Variants in GAS2 observed in about 807,000 individuals in gnomAD.
GAS2 encodes growth arrest specific 2.
A neutral mutation model predicts 37.5 loss-of-function variants in GAS2; 20 were observed. The observed-to-expected ratio is 0.53, with a 90% CI of 0.37 to 0.77. GAS2 has a LOEUF of 0.77. Among genes scored for constraint, GAS2 ranks in the 30% least tolerant of loss-of-function variants. The probability of loss-of-function intolerance (pLI) is 0.00; values close to 1 mark genes in which losing one functional copy is unlikely to be tolerated. For missense variants in GAS2, 336 were observed against 373.4 expected (o/e 0.90, Z 0.82); for synonymous variants, 144 against 132.2 (o/e 1.09, Z -0.61).
chr11:22,693,988 A>T (rs1850375059), intron 3 of GAS2, among the ~76,000 whole-genome samples: 1 of 152,150 alleles, frequency 6.6e-6, no homozygotes, highest in South Asian at 2.1e-4. Flanking sequence ...CATACAGGGG[A>T]ACAACACACA....
At chr11:22,778,004 A>G (rs567412834) in intron 7 of GAS2, among the ~76,000 whole-genome samples, 1 of 152,300 alleles carries the variant, frequency 6.6e-6, no homozygotes, top group East Asian at 1.9e-4. Flanking sequence ...TGTTAGTGGT[A>G]TTTTGGGGGT....
intron 4 of GAS2, among the ~76,000 whole-genome samples, chr11:22,733,082 T>A (rs1481411054): frequency 6.6e-6 from 1 of 151,532 alleles, no homozygotes; most frequent in Non-Finnish European, 1.5e-5. Flanking sequence ...GGTCTCTGGG[T>A]CACATTTTGG....
At chr11:22,649,884 AT>A (rs1255737987) in intron 1 of GAS2, among the ~76,000 whole-genome samples, 2 of 151,738 alleles carry the variant, frequency 1.3e-5, no homozygotes, top group Non-Finnish European at 2.9e-5. Context: ...GGATTCATTA[AT>A]TTTTTGAAGG....
At chr11:22,667,435 G>A (rs1462691040) in intron 1 of GAS2, among the ~76,000 whole-genome samples, 1 of 152,136 alleles carries the variant, frequency 6.6e-6, no homozygotes, top group South Asian at 2.1e-4. Flanking sequence ...GTGATCTGGG[G>A]TGATACTCAC....
At chr11:22,804,282 A>T (rs1466103706) in intron 7 of GAS2, among the ~76,000 whole-genome samples, 1 of 152,140 alleles carries the variant, frequency 6.6e-6, no homozygotes, top group Non-Finnish European at 1.5e-5. Context: ...TAACCTATCA[A>T]GGAGGCAGAG....
At chr11:22,653,035 C>CTTTCTT (rs562393334) in intron 1 of GAS2, among the ~76,000 whole-genome samples, 12 of 7,630 alleles carry the variant, frequency 1.6e-3, no homozygotes, top group East Asian at 8.8e-3. Context: ...TTCTTTCTTT[C>CTTTCTT]TCTTTCTTTC....
chr11:22,735,434 A>G (rs987803453), intron 4 of GAS2, among the ~76,000 whole-genome samples: 7 of 151,734 alleles, frequency 4.6e-5, no homozygotes, highest in African/African-American at 1.4e-4. Flanking sequence ...GAAGAGGTTT[A>G]TCTGTCTTAA....
intron 6 of GAS2, 22 bp from the exon 7 acceptor site, chr11:22,755,824 T>G: frequency 1.9e-6 from 3 of 1,562,832 alleles, no homozygotes; most frequent in South Asian, 2.2e-5. Context: ...GACAAATGAA[T>G]GTGCCTGCTC....
intron 3 of GAS2, among the ~76,000 whole-genome samples, chr11:22,698,059 C>T (rs931618884): frequency 2.0e-5 from 3 of 152,010 alleles, no homozygotes; most frequent in Admixed American, 6.6e-5. Flanking sequence ...TTTGCCCATT[C>T]AGTATGATAT....
chr11:22,652,622 G>A (rs954357551), intron 1 of GAS2, among the ~76,000 whole-genome samples: 9 of 152,188 alleles, frequency 5.9e-5, no homozygotes, highest in Admixed American at 2.0e-4. Flanking sequence ...ATAATCTCCC[G>A]GTGTGCTGTG....
chr11:22,757,894 G>A (rs1444096032), intron 7 of GAS2, among the ~76,000 whole-genome samples: 2 of 152,098 alleles, frequency 1.3e-5, no homozygotes, highest in Admixed American at 6.5e-5. Flanking sequence ...TCCTGTCTAT[G>A]TGTCTGGTTA....
intron 1 of GAS2, among the ~76,000 whole-genome samples, chr11:22,635,505 C>T (rs1858809605): frequency 6.6e-6 from 1 of 152,228 alleles, no homozygotes; most frequent in African/African-American, 2.4e-5. Flanking sequence ...GTGCTCAGCA[C>T]TCAAAACTGC....
chr11:22,792,999 G>A (rs1856243972), intron 7 of GAS2, among the ~76,000 whole-genome samples: 1 of 152,236 alleles, frequency 6.6e-6, no homozygotes, highest in Admixed American at 6.5e-5. Context: ...CCATGGCTGA[G>A]CATGGTGGCT....
At chr11:22,701,382 G>A (rs1326978957) in intron 3 of GAS2, among the ~76,000 whole-genome samples, 2 of 152,132 alleles carry the variant, frequency 1.3e-5, no homozygotes, top group African/African-American at 4.8e-5. Flanking sequence ...GGGTGTTAAT[G>A]TGCATTTGTC....
At chr11:22,676,419 T>C (rs563295489) in intron 2 of GAS2, among the ~76,000 whole-genome samples, 3 of 152,252 alleles carry the variant, frequency 2.0e-5, no homozygotes, top group Admixed American at 6.6e-5. Flanking sequence ...ACAAGTATGG[T>C]AGTGGAAAAT....
chr11:22,703,915 TA>T (rs1850972329), intron 3 of GAS2, among the ~76,000 whole-genome samples: 1 of 152,186 alleles, frequency 6.6e-6, no homozygotes, highest in South Asian at 2.1e-4. Flanking sequence ...GCTGCTTGTC[TA>T]ACAGATGCCT....
intron 3 of GAS2, among the ~76,000 whole-genome samples, chr11:22,716,804 C>G (rs1481537582): frequency 6.6e-6 from 1 of 152,070 alleles, no homozygotes; most frequent in East Asian, 1.9e-4. Flanking sequence ...AAAGTTTTAG[C>G]ATACAAAATC....
chr11:22,664,431 G>A (rs1346604730), upstream of GAS2, among the ~76,000 whole-genome samples: 3 of 152,030 alleles, frequency 2.0e-5, no homozygotes, highest in African/African-American at 7.2e-5. Context: ...TTAGAATGTG[G>A]GACACACATA....
intron 7 of GAS2, among the ~76,000 whole-genome samples, chr11:22,775,220 G>C (rs554950560): frequency 6.6e-6 from 1 of 152,204 alleles, no homozygotes; most frequent in Non-Finnish European, 1.5e-5. Flanking sequence ...AATCATTCAG[G>C]CTGTAGTGCA....
Sources: allele counts gnomAD v4.1 joint callset (sites outside exome capture counted in the v4.1 genomes callset), GRCh38; gene constraint gnomAD v4.1.1; transcripts MANE v1.5; gene names NCBI Gene and HGNC (gene_info 2026-07-23, HGNC 2026-07-21).